Variants in GCH1 observed in about 807,000 individuals in gnomAD.
GCH1 encodes the protein GTP cyclohydrolase I.
A neutral mutation model predicts 25.9 loss-of-function variants in GCH1; 5 were observed. The ratio of observed to expected loss-of-function variants is 0.19; its 90% CI spans 0.10 to 0.41. The LOEUF (loss-of-function observed/expected upper bound fraction) is 0.41. Among genes scored for constraint, GCH1 ranks in the 10% least tolerant of loss-of-function variants. The pLI, the probability that GCH1 is intolerant of heterozygous loss-of-function variation, is 1.00. For missense variants in GCH1, 261 were observed against 336.5 expected (o/e 0.78, Z 1.75); for synonymous variants, 159 against 129.6 (o/e 1.23, Z -1.54).
chr14:54,863,640 T>A (rs2039948743), intron 2 of GCH1, among the ~76,000 whole-genome samples: 1 of 151,072 alleles, frequency 6.6e-6, no homozygotes, highest in African/African-American at 2.4e-5. Context: ...CATCAATGAA[T>A]CCGACTATGT....
At chr14:54,895,407 A>C (rs1022562603) in intron 1 of GCH1, among the ~76,000 whole-genome samples, 2 of 152,364 alleles carry the variant, frequency 1.3e-5, no homozygotes, top group South Asian at 2.1e-4. Flanking sequence ...AATGTGACAG[A>C]GTCAAGACTC....
intron 2 of GCH1, among the ~76,000 whole-genome samples, chr14:54,862,238 A>C (rs971262863): frequency 6.6e-6 from 1 of 151,984 alleles, no homozygotes; most frequent in African/African-American, 2.4e-5. Flanking sequence ...AGACAGTCTC[A>C]CTTGCTGGTC....
At chr14:54,893,844 A>G (rs1219039595) in intron 1 of GCH1, among the ~76,000 whole-genome samples, 1 of 152,184 alleles carries the variant, frequency 6.6e-6, no homozygotes, top group Non-Finnish European at 1.5e-5. Flanking sequence ...TCATGCTCCC[A>G]TCTCCTGGCA....
chr14:54,885,065 C>G, intron 1 of GCH1: 1 of 309,370 alleles, frequency 3.2e-6, no homozygotes, highest in Non-Finnish European at 6.4e-6. Context: ...GACACTGAAC[C>G]ACCAGTCAGC....
intron 1 of GCH1, among the ~76,000 whole-genome samples, chr14:54,871,815 T>C (rs1432950143): frequency 6.6e-6 from 1 of 151,856 alleles, no homozygotes; most frequent in African/African-American, 2.4e-5. Flanking sequence ...TAAAAAGAAA[T>C]GAACAAAGCC....
At chr14:54,850,024 G>C (rs1238242577) in intron 3 of GCH1, among the ~76,000 whole-genome samples, 2 of 151,800 alleles carry the variant, frequency 1.3e-5, no homozygotes, top group Non-Finnish European at 2.9e-5. Flanking sequence ...GCCCAGGCTG[G>C]AGTGCAGCAG....
chr14:54,883,483 T>C (rs1439546023), intron 1 of GCH1, among the ~76,000 whole-genome samples: 1 of 146,078 alleles, frequency 6.8e-6, no homozygotes, highest in Admixed American at 6.9e-5. Context: ...ATCGTGACCA[T>C]CCTGGCTAAG....
intron 1 of GCH1, among the ~76,000 whole-genome samples, chr14:54,865,773 T>G (rs1487234159): frequency 2.0e-5 from 3 of 152,186 alleles, no homozygotes; most frequent in African/African-American, 7.2e-5. Flanking sequence ...CACTTTCACT[T>G]TCTTCCTTAC....
intron 1 of GCH1, among the ~76,000 whole-genome samples, chr14:54,899,202 T>C (rs1023438435): frequency 6.6e-6 from 1 of 152,190 alleles, no homozygotes; most frequent in Non-Finnish European, 1.5e-5. Flanking sequence ...GGCTCACACC[T>C]GTAATCCTAG....
chr14:54,847,539 C>T (rs774773490), intron 3 of GCH1, among the ~76,000 whole-genome samples: 11 of 152,156 alleles, frequency 7.2e-5, no homozygotes, highest in Non-Finnish European at 1.5e-4. Flanking sequence ...TGCTTCCTGC[C>T]CTCAAACATC....
At chr14:54,859,120 G>A (rs1446566003) in intron 3 of GCH1, 1 of 157,612 alleles carries the variant, frequency 6.3e-6, no homozygotes, top group East Asian at 1.9e-4. Flanking sequence ...TGGCCTGCAG[G>A]ACCCCTGAGA....
chr14:54,899,316 C>T (rs1451953771), intron 1 of GCH1, among the ~76,000 whole-genome samples: 2 of 152,022 alleles, frequency 1.3e-5, no homozygotes, highest in Non-Finnish European at 2.9e-5. Context: ...CAAAAATTAG[C>T]AGGGCATGGT....
At chr14:54,889,786 C>T (rs2040400532) in intron 1 of GCH1, among the ~76,000 whole-genome samples, 1 of 152,124 alleles carries the variant, frequency 6.6e-6, no homozygotes, top group Admixed American at 6.5e-5. Flanking sequence ...GTCTCCAGCT[C>T]CAGCAAGGAA....
intron 1 of GCH1, among the ~76,000 whole-genome samples, chr14:54,890,478 A>G (rs2040410399): frequency 6.6e-6 from 1 of 152,234 alleles, no homozygotes; most frequent in Non-Finnish European, 1.5e-5. Flanking sequence ...AGCCTGGGCA[A>G]CAAGAGCAAA....
chr14:54,888,195 T>C (rs1223207264), intron 1 of GCH1, among the ~76,000 whole-genome samples: 5 of 152,310 alleles, frequency 3.3e-5, no homozygotes, highest in Admixed American at 1.3e-4. Flanking sequence ...CCTGTTACTA[T>C]AGAAACGATT....
chr14:54,902,624 G>A lies in GCH1; in HGVS notation c.40C>T (p.Arg14Trp), dbSNP rs1487411316. 2 of 1,487,064 alleles carry A rather than the reference G, an allele frequency of 1.3e-6. No homozygotes were observed. Among genetic ancestry groups the A allele is most frequent in the Admixed American group, 2.3e-5 (1 of 42,936 alleles). The allele number at this position is 1,487,064 out of a possible 1,614,324, so 92.1% of individuals were successfully genotyped here. ...GPVRAPAEKP[R>W]GARCSNGFPE... ...AACCCATTGCTGCACCTGGCGCCCC[G>A]CGGCTTCTCCGCCGGTGCCCGCACA... Residue 14 changes from arginine (R) to tryptophan (W), a missense_variant, in exon 1 of 6, where the codon CGG (arginine) becomes TGG (tryptophan). This residue lies in a region of GCH1 where 125 missense variants were observed against 128.7 expected (regional missense o/e 0.97). Transcript: ENST00000491895.
At chr14:54,853,110 T>C (rs375998100) in intron 3 of GCH1, among the ~76,000 whole-genome samples, 33 of 152,196 alleles carry the variant, frequency 2.2e-4, no homozygotes, top group East Asian at 1.7e-3. Flanking sequence ...ACTACAGGCG[T>C]GTGCCACCAT....
rs1342823267 is a variant in GCH1, at chr14:54,897,021, T to G, written c.343+5300A>C. 2.1e-5 allele frequency among the ~76,000 whole-genome samples: 3 copies of G among 140,170 alleles called. 1 individual carries two copies. Among genetic ancestry groups the G allele is most frequent in the Admixed American group, 1.4e-4 (2 of 14,442 alleles). 92.0% of individuals were successfully genotyped at this position (140,170 alleles called of 152,430 possible). A position where few individuals can be genotyped will look rare whatever the true frequency, so the allele number is the denominator to read the frequency against. ...CTACTCCACTTTTTGTTTTTTTTTT[T>G]TTTTTTTGAGATGGAGTCTTGCTCT... On this transcript the variant is annotated intron_variant, in intron 1 of 5. Transcript: ENST00000491895.
rs1050390848 is a variant in GCH1, at chr14:54,871,713, T to C, written c.344-6277A>G. On this transcript the variant is annotated intron_variant, in intron 1 of 5. Transcript: ENST00000491895. ...TACGTGATGAATGCACAAGCCTCAG[T>C]AGCTGATTCGATCAACTGGAAGAAA... is the stretch of plus-strand genomic sequence containing the variant. 1.3e-5 allele frequency among the ~76,000 whole-genome samples: 2 copies of C among 152,186 alleles called. 1 individual carries two copies. Among genetic ancestry groups the C allele is most frequent in the African/African-American group, 4.8e-5 (2 of 41,444 alleles).
Sources: allele counts gnomAD v4.1 joint callset (sites outside exome capture counted in the v4.1 genomes callset), GRCh38; gene constraint gnomAD v4.1.1; regional missense constraint gnomAD v4.1.1; transcripts MANE v1.5; gene names NCBI Gene and HGNC (gene_info 2026-07-23, HGNC 2026-07-21).